Variants in GRM7 observed in about 807,000 individuals in gnomAD.
GRM7 encodes the protein glutamate metabotropic receptor 7.
In GRM7, 35 loss-of-function variants were observed where a neutral mutation model predicts 84.5. That is an observed-to-expected ratio of 0.41 (90% confidence interval 0.32 to 0.55). GRM7 has a LOEUF of 0.55. Among genes scored for constraint, GRM7 ranks in the 20% least tolerant of loss-of-function variants. The pLI is 0.19. For synonymous variants in GRM7, 487 were observed against 455.1 expected (o/e 1.07, Z -0.89); for missense variants, 1,003 against 1,194.6 (o/e 0.84, Z 2.36).
At chr3:7,513,888 A>T (rs1460343125) in intron 7 of GRM7, among the ~76,000 whole-genome samples, 1 of 152,194 alleles carries the variant, frequency 6.6e-6, no homozygotes, top group Non-Finnish European at 1.5e-5. Flanking sequence ...ATTGCACTTC[A>T]TCTGTCCTAG....
chr3:7,556,615 T>C (rs960896193), intron 7 of GRM7, among the ~76,000 whole-genome samples: 1 of 152,182 alleles, frequency 6.6e-6, no homozygotes, highest in African/African-American at 2.4e-5. Context: ...ACTCAACTGG[T>C]GAACCAAAGC....
At chr3:6,897,687 A>T (rs1696234623) in intron 1 of GRM7, among the ~76,000 whole-genome samples, 1 of 152,238 alleles carries the variant, frequency 6.6e-6, no homozygotes, top group South Asian at 2.1e-4. Flanking sequence ...ACATAAAGGT[A>T]ATAATGTGGT....
chr3:7,459,682 A>G (rs1245776037), intron 6 of GRM7, among the ~76,000 whole-genome samples: 3 of 152,128 alleles, frequency 2.0e-5, no homozygotes, highest in Non-Finnish European at 2.9e-5. Flanking sequence ...GCATGATTCA[A>G]TTATGTCCCA....
At chr3:7,592,837 T>G (rs1331040825) in intron 8 of GRM7, among the ~76,000 whole-genome samples, 1 of 152,130 alleles carries the variant, frequency 6.6e-6, no homozygotes, top group Non-Finnish European at 1.5e-5. Context: ...AACAGACTTG[T>G]GTATATGCCA....
intron 1 of GRM7, among the ~76,000 whole-genome samples, chr3:6,997,572 A>G (rs1302194669): frequency 6.6e-6 from 1 of 152,198 alleles, no homozygotes; most frequent in African/African-American, 2.4e-5. Context: ...CCATGATTCA[A>G]TTACCTCCCA....
chr3:7,116,564 T>C (rs770316495), intron 1 of GRM7, among the ~76,000 whole-genome samples: 1 of 152,042 alleles, frequency 6.6e-6, no homozygotes, highest in Non-Finnish European at 1.5e-5. Flanking sequence ...ATTATATTTG[T>C]AAAAGAAAAA....
At chr3:7,552,321 G>T (rs1236499768) in intron 7 of GRM7, among the ~76,000 whole-genome samples, 1 of 152,192 alleles carries the variant, frequency 6.6e-6, no homozygotes, top group Non-Finnish European at 1.5e-5. Flanking sequence ...ATCGGCTGGT[G>T]TTGAGTGTCT....
At chr3:6,929,233 T>C (rs1176185761) in intron 1 of GRM7, among the ~76,000 whole-genome samples, 1 of 152,182 alleles carries the variant, frequency 6.6e-6, no homozygotes, top group African/African-American at 2.4e-5. Flanking sequence ...CGCATATTCA[T>C]TTTTTAATAA....
At chr3:6,908,785 G>T (rs1696668960) in intron 1 of GRM7, among the ~76,000 whole-genome samples, 1 of 152,110 alleles carries the variant, frequency 6.6e-6, no homozygotes, top group African/African-American at 2.4e-5. Flanking sequence ...TGAGATGTCT[G>T]TTAAGATCAC....
At chr3:7,641,918 G>GTTTAC (rs1451340707) in intron 8 of GRM7, among the ~76,000 whole-genome samples, 12 of 148,242 alleles carry the variant, frequency 8.1e-5, no homozygotes, top group Non-Finnish European at 1.8e-4. Flanking sequence ...CTCCTACCAT[G>GTTTAC]TTTACTTTGA....
chr3:7,470,737 C>G (rs1698667494), intron 7 of GRM7, among the ~76,000 whole-genome samples: 1 of 152,020 alleles, frequency 6.6e-6, no homozygotes, highest in South Asian at 2.1e-4. Flanking sequence ...AGAAATACAA[C>G]AAGATAAATG....
At chr3:7,145,348 G>A (rs12496751) in intron 1 of GRM7, among the ~76,000 whole-genome samples, 36,509 of 151,932 alleles carry the variant, frequency 0.24, 5,009 homozygotes, top group African/African-American at 0.38. Context: ...TTGCTTGATA[G>A]AATCAAGACA....
At chr3:7,610,320 A>AC (rs1276202266) in intron 8 of GRM7, among the ~76,000 whole-genome samples, 3 of 151,942 alleles carry the variant, frequency 2.0e-5, no homozygotes, top group Non-Finnish European at 4.4e-5. Flanking sequence ...AAGTAATTGG[A>AC]CCCCCCAACA....
chr3:7,510,393 A>G (rs1159775675), intron 7 of GRM7, among the ~76,000 whole-genome samples: 1 of 152,178 alleles, frequency 6.6e-6, no homozygotes, highest in Non-Finnish European at 1.5e-5. Context: ...GCAGGACTGT[A>G]TTAGCCTAAA....
At chr3:7,571,341 G>C (rs11131081) in intron 7 of GRM7, among the ~76,000 whole-genome samples, 23,643 of 152,050 alleles carry the variant, frequency 0.16, 2,191 homozygotes, top group Middle Eastern at 0.29. Context: ...AAAACTGAAT[G>C]CCTTTAACAG....
chr3:6,952,659 T>G (rs1054044490), intron 1 of GRM7, among the ~76,000 whole-genome samples: 1 of 152,230 alleles, frequency 6.6e-6, no homozygotes, highest in Non-Finnish European at 1.5e-5. Flanking sequence ...TGATCCTTAA[T>G]GATCTAATTT....
At chr3:7,590,303 G>A (rs935209926) in intron 8 of GRM7, among the ~76,000 whole-genome samples, 2 of 152,218 alleles carry the variant, frequency 1.3e-5, no homozygotes, top group Middle Eastern at 6.8e-3. Flanking sequence ...AGCCCAGGAG[G>A]TTTAACTCAA....
chr3:7,294,654 A>G (rs182301564), intron 2 of GRM7, among the ~76,000 whole-genome samples: 25 of 152,268 alleles, frequency 1.6e-4, no homozygotes, highest in African/African-American at 4.6e-4. Flanking sequence ...GGAGACACCC[A>G]GGTGAATATG....
intron 1 of GRM7, among the ~76,000 whole-genome samples, chr3:6,907,812 C>T (rs1696633737): frequency 6.6e-6 from 1 of 152,174 alleles, no homozygotes; most frequent in East Asian, 1.9e-4. Flanking sequence ...CAACAGTCCT[C>T]TTCATTCAAC....
Sources: allele counts gnomAD v4.1 joint callset (sites outside exome capture counted in the v4.1 genomes callset), GRCh38; gene constraint gnomAD v4.1.1; transcripts MANE v1.5; gene names NCBI Gene and HGNC (gene_info 2026-07-23, HGNC 2026-07-21).